The following MAD1L1 variants were observed in gnomAD, a reference collection of about 807,000 sequenced individuals.
MAD1L1 encodes the protein mitotic arrest deficient 1 like 1.
In MAD1L1, 95 loss-of-function variants were observed where a neutral mutation model predicts 96.9. That is an observed-to-expected ratio of 0.98 (90% CI 0.83 to 1.16). The LOEUF (loss-of-function observed/expected upper bound fraction) is 1.16, where lower values mean the gene tolerates loss of function less well. Among genes scored for constraint, MAD1L1 ranks in the 50% most tolerant of loss-of-function variants. MAD1L1 has a pLI of 0.00. For missense variants in MAD1L1, 1,007 were observed against 954.4 expected, an observed-to-expected ratio of 1.06 and a Z score of -0.73; for synonymous variants, 473 against 396.6, an observed-to-expected ratio of 1.19 and a Z score of -2.29.
intron 4 of MAD1L1, among the ~76,000 whole-genome samples, chr7:2,223,792 C>A (rs1359604002): frequency 6.6e-6 from 1 of 152,220 alleles, no homozygotes; most frequent in African/African-American, 2.4e-5. Context: ...CTGCCAGTCC[C>A]AGCGCAGACA....
chr7:1,907,479 AT>A (rs549044474), intron 17 of MAD1L1, among the ~76,000 whole-genome samples: 1 of 152,388 alleles, frequency 6.6e-6, no homozygotes, highest in South Asian at 2.1e-4. Flanking sequence ...ATATTTCACC[AT>A]TAAACAAGGC....
At chr7:2,182,304 CCA>C (rs771352392) in intron 10 of MAD1L1, among the ~76,000 whole-genome samples, 19 of 151,666 alleles carry the variant, frequency 1.3e-4, no homozygotes, top group Non-Finnish European at 1.2e-4. Flanking sequence ...AGATACCACT[CCA>C]CACCCACGAG....
At chr7:1,910,559 A>G (rs1787950933) in intron 17 of MAD1L1, among the ~76,000 whole-genome samples, 1 of 152,184 alleles carries the variant, frequency 6.6e-6, no homozygotes. Context: ...TTGGTCATTC[A>G]GGCTTCAGTT....
At chr7:1,946,836 G>A (rs1779250028) in intron 16 of MAD1L1, among the ~76,000 whole-genome samples, 1 of 152,252 alleles carries the variant, frequency 6.6e-6, no homozygotes, top group African/African-American at 2.4e-5. Context: ...CAGAGAGGGT[G>A]CGGGTGCTCC....
At chr7:1,957,607 C>G in intron 16 of MAD1L1, 22 bp downstream of exon 16, 4 of 1,612,248 alleles carry the variant, frequency 2.5e-6, no homozygotes, top group Non-Finnish European at 2.5e-6. Flanking sequence ...AGTGCCTCAC[C>G]CAGAGGCTGC....
At chr7:2,095,504 C>A (rs1036714681) in intron 11 of MAD1L1, among the ~76,000 whole-genome samples, 4 of 152,184 alleles carry the variant, frequency 2.6e-5, no homozygotes, top group African/African-American at 7.2e-5. Context: ...AGGCTGCAAA[C>A]GGAGATGGGC....
intron 17 of MAD1L1, among the ~76,000 whole-genome samples, chr7:1,914,415 A>G (rs1403155416): frequency 1.3e-5 from 2 of 152,232 alleles, no homozygotes; most frequent in African/African-American, 2.4e-5. Context: ...AAAGTCGGCT[A>G]GAGATCCGAA....
intron 12 of MAD1L1, among the ~76,000 whole-genome samples, chr7:2,015,628 C>T (rs918445853): frequency 8.5e-5 from 13 of 152,234 alleles, no homozygotes; most frequent in Non-Finnish European, 1.5e-4. Flanking sequence ...GAACCACAGC[C>T]CCCGGACCCT....
intron 18 of MAD1L1, among the ~76,000 whole-genome samples, chr7:1,819,905 G>C (rs1782036562): frequency 6.6e-6 from 1 of 152,096 alleles, no homozygotes; most frequent in South Asian, 2.1e-4. Flanking sequence ...CCATGAACTG[G>C]GAAACTCGAG....
intron 12 of MAD1L1, among the ~76,000 whole-genome samples, chr7:2,060,144 T>TGCCAAGATACGCCGAA (rs1322780750): frequency 6.7e-6 from 1 of 149,654 alleles, no homozygotes; most frequent in Non-Finnish European, 1.5e-5. Flanking sequence ...GATACGCAGA[T>TGCCAAGATACGCCGAA]GCCAAGATAC....
chr7:2,084,767 C>G (rs967893498), intron 11 of MAD1L1, among the ~76,000 whole-genome samples: 4 of 152,154 alleles, frequency 2.6e-5, no homozygotes, highest in African/African-American at 9.7e-5. Context: ...CCACCAGAGC[C>G]AGACTGGGGC....
At chr7:1,959,151 C>G (rs1405437230) in intron 15 of MAD1L1, among the ~76,000 whole-genome samples, 1 of 152,154 alleles carries the variant, frequency 6.6e-6, no homozygotes, top group African/African-American at 2.4e-5. Flanking sequence ...CCTCAGGAGG[C>G]TGAGGCATAA....
chr7:2,048,260 TAG>T (rs1562637215), intron 12 of MAD1L1, among the ~76,000 whole-genome samples: 1 of 152,270 alleles, frequency 6.6e-6, no homozygotes, highest in East Asian at 1.9e-4. Flanking sequence ...GGGGTAGGTG[TAG>T]AGGGACTCGG....
intron 18 of MAD1L1, among the ~76,000 whole-genome samples, chr7:1,828,484 T>C (rs1457909623): frequency 2.0e-5 from 3 of 152,136 alleles, no homozygotes; most frequent in African/African-American, 7.2e-5. Flanking sequence ...GCTGGACCAG[T>C]GCCTGTCTCC....
Position 2,179,197 on chromosome 7 carries a change from G to C in MAD1L1, c.987-29959C>G, listed in dbSNP as rs757359631. Among the ~76,000 whole-genome samples, 17 of 152,160 alleles carry C rather than the reference G, an allele frequency of 1.1e-4. No individual in the cohort carries two copies. The East Asian group carries it at 3.1e-3, about 28-fold the overall frequency. ...CGCCTGGGGCATTTTAACTCACCCT[G>C]GTCCCAGCCCCCACACCACAACTCC... On this transcript the variant is annotated intron_variant, in intron 10 of 18. Coordinates refer to ENST00000265854, the MANE Select transcript of MAD1L1 (RefSeq NM_001013836.2).
chr7:1,842,424 T>C (rs1350480274), intron 18 of MAD1L1, among the ~76,000 whole-genome samples: 1 of 152,246 alleles, frequency 6.6e-6, no homozygotes, highest in East Asian at 1.9e-4. Context: ...GGCTTGGCCC[T>C]GCACTTAGGA....
intron 7 of MAD1L1, among the ~76,000 whole-genome samples, chr7:2,216,977 G>A (rs1308466196): frequency 1.3e-5 from 2 of 152,106 alleles, no homozygotes; most frequent in African/African-American, 4.8e-5. Flanking sequence ...CCGCGTACTG[G>A]GAGCTGGCAT....
intron 16 of MAD1L1, among the ~76,000 whole-genome samples, chr7:1,950,601 G>A (rs533971679): frequency 4.6e-5 from 7 of 152,322 alleles, no homozygotes; most frequent in Middle Eastern, 3.4e-3. Flanking sequence ...GGCTCTGAGC[G>A]CCAGTCGACC....
rs1030165530 is a variant in MAD1L1, at chr7:1,944,455, C to T, written c.1597-7558G>A. Among the ~76,000 whole-genome samples the T allele has an allele frequency of 5.3e-5, 8 of 152,254 alleles. No homozygotes were observed. The South Asian group carries it at 6.2e-4, about 12-fold the overall frequency. On this transcript the variant is annotated intron_variant, in intron 16 of 18. Coordinates refer to ENST00000265854, the MANE Select transcript of MAD1L1 (RefSeq NM_001013836.2). ...GCGTGGATGCAGCTGCCAGAGCCTGCGGGGCTGAAACCAGCCTCTTCCTTT... is the reference window on the plus strand; with the variant it reads ...GCGTGGATGCAGCTGCCAGAGCCTGTGGGGCTGAAACCAGCCTCTTCCTTT...
Sources: gnomAD v4.1 joint callset for allele counts (sites outside exome capture counted in the v4.1 genomes callset) on GRCh38, gnomAD v4.1.1 for gene constraint, MANE v1.5 for transcripts, NCBI Gene and HGNC (gene_info 2026-07-23, HGNC 2026-07-21) for gene names.